The following PRRG1 variants were observed in gnomAD, a reference collection of about 807,000 sequenced individuals.
The protein encoded by PRRG1 is proline rich and Gla domain 1, also known as transmembrane gamma-carboxyglutamic acid protein 1.
PRRG1 carries 5 observed loss-of-function variants against 11.8 expected under a neutral mutation model. That is an observed-to-expected ratio of 0.42 (90% CI 0.22 to 0.89). The LOEUF is 0.89. Ranked by LOEUF, PRRG1 falls within the 40% of genes least tolerant of loss-of-function variation. PRRG1 has a pLI of 0.28. For synonymous variants in PRRG1, 66 were observed against 60.4 expected (o/e 1.09, Z -0.43); for missense variants, 155 against 166.1 (o/e 0.93, Z 0.37).
rs782035086 is a variant in PRRG1 at position 37,429,691 on chromosome X, G to A, written c.171+3691G>A. Among the ~76,000 whole-genome samples the A allele has an allele frequency of 1.7e-4, 19 of 111,974 alleles. 1 individual carries two copies. The South Asian group carries it at 7.2e-3, about 42-fold the overall frequency. On this transcript the variant is annotated intron_variant, in intron 3 of 3. Transcript: ENST00000378628. ...TGTCCCAACCTCTGCCTGTTACCCA[G>A]TTCCAAAGTCATTTCCACATTTTCA...
At chrX:37,353,395 T>A (rs979401789) in intron 1 of PRRG1, among the ~76,000 whole-genome samples, 32 of 112,594 alleles carry the variant, frequency 2.8e-4, no homozygotes, top group African/African-American at 1.0e-3. Flanking sequence ...TTAAAAAGTT[T>A]ATGTAGTAAA....
At chrX:37,427,704 G>A (rs955549587) in intron 3 of PRRG1, among the ~76,000 whole-genome samples, 1 of 111,816 alleles carries the variant, frequency 8.9e-6, no homozygotes. Context: ...GTGAGATCCT[G>A]TGGTATTTGT....
intron 1 of PRRG1, among the ~76,000 whole-genome samples, chrX:37,373,354 G>C (rs896837019): frequency 2.0e-4 from 22 of 111,772 alleles, no homozygotes; most frequent in African/African-American, 7.1e-4. Flanking sequence ...TTTTGATAGG[G>C]ATTCCATTGA....
chrX:37,401,873 C>G (rs1931999430), intron 1 of PRRG1, among the ~76,000 whole-genome samples: 1 of 110,508 alleles, frequency 9.0e-6, no homozygotes, highest in Non-Finnish European at 1.9e-5. Context: ...CATGAGTGAA[C>G]TCCCATTCAC....
chrX:37,353,878 G>A (rs1601965035), intron 1 of PRRG1, among the ~76,000 whole-genome samples: 1 of 112,779 alleles, frequency 8.9e-6, no homozygotes, highest in East Asian at 2.8e-4. Context: ...CAGTTGTTAA[G>A]TGATGCATGA....
At chrX:37,393,586 T>C (rs1417384106) in intron 1 of PRRG1, among the ~76,000 whole-genome samples, 5 of 111,575 alleles carry the variant, frequency 4.5e-5, no homozygotes, top group Non-Finnish European at 7.5e-5. Context: ...CAGTAAAGCC[T>C]TGTATGATTT....
intron 2 of PRRG1, among the ~76,000 whole-genome samples, chrX:37,424,194 G>A (rs1932740642): frequency 9.0e-6 from 1 of 111,655 alleles, no homozygotes; most frequent in Non-Finnish European, 1.9e-5. Context: ...GTCATTCAGT[G>A]AAAGATCTCT....
In PRRG1 at chrX:37,420,974, G is replaced by A. The variant is rs1475440999; in HGVS notation, c.11-4866G>A. On this transcript the variant is annotated intron_variant, in intron 2 of 3. Coordinates refer to ENST00000378628, the MANE Select transcript of PRRG1 (RefSeq NM_001142395.2). ...TGCCTTCTGACCTTGAAGAACATCC[G>A]TCATGTTCAGTCTTACAATAGAGCT... 6.3e-5 allele frequency among the ~76,000 whole-genome samples: 7 copies of A among 111,728 alleles called. No individual in the cohort carries two copies. In the East Asian group the frequency reaches 1.1e-3, roughly 18 times the overall value.
intron 3 of PRRG1, among the ~76,000 whole-genome samples, chrX:37,438,428 TC>T (rs1245385730): frequency 1.2e-4 from 13 of 105,476 alleles, no homozygotes; most frequent in African/African-American, 4.6e-4. Flanking sequence ...CAGAATTTTT[TC>T]CTTTTTTTTT....
chrX:37,450,747 T>C (rs1921097292), intron 3 of PRRG1, among the ~76,000 whole-genome samples: 1 of 111,848 alleles, frequency 8.9e-6, no homozygotes, highest in Admixed American at 9.5e-5. Flanking sequence ...GAGATTAAAG[T>C]CTCACCTGCA....
intron 1 of PRRG1, among the ~76,000 whole-genome samples, chrX:37,367,881 C>T (rs781985405): frequency 2.7e-5 from 3 of 112,544 alleles, no homozygotes; most frequent in South Asian, 3.6e-4. Flanking sequence ...GGGTTCTACC[C>T]AATGCATATC....
chrX:37,391,949 A>T (rs912703233), intron 1 of PRRG1, among the ~76,000 whole-genome samples: 1 of 109,280 alleles, frequency 9.2e-6, no homozygotes, highest in African/African-American at 3.3e-5. Flanking sequence ...ATGGTGCTGG[A>T]TCTCTGTTTC....
At chrX:37,384,358 C>T (rs782380693) in intron 1 of PRRG1, among the ~76,000 whole-genome samples, 1 of 111,614 alleles carries the variant, frequency 9.0e-6, no homozygotes, top group Admixed American at 9.5e-5. Flanking sequence ...GCTTACTTCC[C>T]ACCCACCAAA....
At chrX:37,374,921 A>T (rs1242956197) in intron 1 of PRRG1, among the ~76,000 whole-genome samples, 2 of 111,378 alleles carry the variant, frequency 1.8e-5, no homozygotes, top group African/African-American at 3.3e-5. Context: ...GGGTAAAAGG[A>T]ACTGAGGTGA....
intron 3 of PRRG1, among the ~76,000 whole-genome samples, chrX:37,429,591 C>T (rs1167670656): frequency 9.0e-6 from 1 of 111,641 alleles, no homozygotes; most frequent in African/African-American, 3.3e-5. Context: ...GCATTTTTGT[C>T]AAAGCCATTC....
At chrX:37,447,870 A>G (rs1933104539) in intron 3 of PRRG1, among the ~76,000 whole-genome samples, 1 of 112,490 alleles carries the variant, frequency 8.9e-6, no homozygotes, top group African/African-American at 3.2e-5. Flanking sequence ...AGAAGTATGC[A>G]TGCCATGGAT....
At chrX:37,443,981 A>G (rs1456973788) in intron 3 of PRRG1, among the ~76,000 whole-genome samples, 1 of 112,531 alleles carries the variant, frequency 8.9e-6, no homozygotes, top group African/African-American at 3.2e-5. Context: ...CAGGTTTTGT[A>G]TACAGTATTC....
rs782689599 is a variant in PRRG1 at position 37,436,705 on chromosome X, C to T, written c.171+10705C>T. Among the ~76,000 whole-genome samples the T allele has an allele frequency of 2.0e-4, 23 of 112,306 alleles. No individual in the cohort carries two copies. In the East Asian group the frequency reaches 5.0e-3, roughly 25 times the overall value. On this transcript the variant is annotated intron_variant, in intron 3 of 3. Coordinates refer to ENST00000378628, the MANE Select transcript of PRRG1 (RefSeq NM_001142395.2). ...CCAGATTCAGAATATTTTCCCCACCCCTAGTGACTAAAGAGTTGTTAGGGA... is the reference window on the plus strand; with the variant it reads ...CCAGATTCAGAATATTTTCCCCACCTCTAGTGACTAAAGAGTTGTTAGGGA...
intron 1 of PRRG1, among the ~76,000 whole-genome samples, chrX:37,380,921 C>T (rs1248894984): frequency 9.0e-6 from 1 of 111,468 alleles, no homozygotes; most frequent in Non-Finnish European, 1.9e-5. Flanking sequence ...ACCAACTTGG[C>T]AGGATTTCCA....
Sources: gnomAD v4.1 joint callset for allele counts (sites outside exome capture counted in the v4.1 genomes callset) on GRCh38, gnomAD v4.1.1 for gene constraint, MANE v1.5 for transcripts, NCBI Gene and HGNC (gene_info 2026-07-23, HGNC 2026-07-21) for gene names.